SKAP1: variants seen among roughly 807,000 people sequenced by gnomAD.
SKAP1 encodes the protein src kinase-associated phosphoprotein 1.
SKAP1 carries 44 observed loss-of-function variants against 58.5 expected under a neutral mutation model. The observed-to-expected ratio is 0.75, with a 90% CI of 0.59 to 0.97. SKAP1 has a LOEUF of 0.97. Among genes scored for constraint, SKAP1 ranks in the 50% least tolerant of loss-of-function variants. The pLI, the probability that SKAP1 is intolerant of heterozygous loss-of-function variation, is 0.00. For synonymous variants in SKAP1, 127 were observed against 149.7 expected (o/e 0.85, Z 1.11); for missense variants, 390 against 435.2 (o/e 0.90, Z 0.92).
intron 1 of SKAP1, 70 bp downstream of exon 1, chr17:48,430,005 C>T: frequency 1.7e-6 from 2 of 1,204,326 alleles, no homozygotes; most frequent in Non-Finnish European, 2.1e-6. Context: ...GAAAGCCTGG[C>T]CGTGGGAGGC....
At chr17:48,282,681 A>C (rs747868613) in intron 4 of SKAP1, among the ~76,000 whole-genome samples, 1 of 151,978 alleles carries the variant, frequency 6.6e-6, no homozygotes, top group Non-Finnish European at 1.5e-5. Context: ...GGCTGAGGTG[A>C]GAGGATTGCT....
At chr17:48,159,296 C>CT (rs1175423165) in intron 11 of SKAP1, among the ~76,000 whole-genome samples, 3 of 152,144 alleles carry the variant, frequency 2.0e-5, no homozygotes, top group Non-Finnish European at 4.4e-5. Flanking sequence ...ATGGGAATGT[C>CT]TGAGGTAGAA....
chr17:48,351,217 A>G (rs1316249335), intron 3 of SKAP1, among the ~76,000 whole-genome samples: 2 of 152,232 alleles, frequency 1.3e-5, no homozygotes, highest in East Asian at 3.8e-4. Flanking sequence ...CAAAACTAAA[A>G]TTCTGTCAAC....
At chr17:48,414,630 C>G (rs2067710520) in intron 1 of SKAP1, among the ~76,000 whole-genome samples, 1 of 152,166 alleles carries the variant, frequency 6.6e-6, no homozygotes. Context: ...ATTCTCTCAG[C>G]TTCCAGGTAG....
chr17:48,276,359 T>A (rs999239590), intron 4 of SKAP1, among the ~76,000 whole-genome samples: 1 of 152,208 alleles, frequency 6.6e-6, no homozygotes, highest in Admixed American at 6.5e-5. Context: ...GCAAAATTAA[T>A]CATTTATTTT....
At chr17:48,376,495 A>G (rs554474420) in intron 2 of SKAP1, among the ~76,000 whole-genome samples, 6 of 152,356 alleles carry the variant, frequency 3.9e-5, no homozygotes, top group Non-Finnish European at 8.8e-5. Flanking sequence ...AAACTCGGCT[A>G]TCATGCCTTT....
At chr17:48,300,484 C>T (rs1275206939) in intron 4 of SKAP1, among the ~76,000 whole-genome samples, 2 of 152,154 alleles carry the variant, frequency 1.3e-5, no homozygotes, top group Admixed American at 1.3e-4. Flanking sequence ...TTCTTCAGGA[C>T]TGGGTCCTGG....
chr17:48,184,900 A>T, intron 6 of SKAP1, 53 bp from the exon 7 acceptor site: 2 of 1,571,608 alleles, frequency 1.3e-6, no homozygotes, highest in Non-Finnish European at 1.7e-6. Flanking sequence ...CTGCCAAGGG[A>T]AGGCATCCTC....
At chr17:48,161,741 A>T (rs1217104505) in intron 11 of SKAP1, among the ~76,000 whole-genome samples, 1 of 151,564 alleles carries the variant, frequency 6.6e-6, no homozygotes, top group Non-Finnish European at 1.5e-5. Context: ...ACGAGCTCTG[A>T]CTCCTCCCCC....
At chr17:48,159,190 T>G (rs1299473487) in intron 11 of SKAP1, among the ~76,000 whole-genome samples, 1 of 152,236 alleles carries the variant, frequency 6.6e-6, no homozygotes, top group Non-Finnish European at 1.5e-5. Context: ...AAAAAAATTC[T>G]TTTTTGTTTA....
rs552609464 is a variant in SKAP1 at position 48,392,051 on chromosome 17, C to T, written c.152+4629G>A. On this transcript the variant is annotated intron_variant, in intron 2 of 12. Coordinates refer to ENST00000336915, the MANE Select transcript of SKAP1 (RefSeq NM_003726.4). The stretch of plus-strand genomic sequence containing the variant: ...TAATTATATTTACAGTATACTACTT[C>T]AAAACTCTTGCTCCCAAGAGTTTTA... Among the ~76,000 whole-genome samples, 4 of 152,198 alleles carry T rather than the reference C, an allele frequency of 2.6e-5. No individual in the cohort carries two copies. The East Asian group carries it at 7.7e-4, about 29-fold the overall frequency.
intron 4 of SKAP1, among the ~76,000 whole-genome samples, chr17:48,239,466 A>T (rs2065219228): frequency 6.6e-6 from 1 of 152,212 alleles, no homozygotes; most frequent in Non-Finnish European, 1.5e-5. Context: ...AATGTGATGG[A>T]TGGTAGGGAA....
intron 4 of SKAP1, among the ~76,000 whole-genome samples, chr17:48,226,547 G>T (rs2143758455): frequency 6.6e-6 from 1 of 152,214 alleles, no homozygotes; most frequent in South Asian, 2.1e-4. Flanking sequence ...TCTTGGAGGG[G>T]ATATCTTAAT....
intron 4 of SKAP1, among the ~76,000 whole-genome samples, chr17:48,197,932 T>C (rs2064662178): frequency 6.6e-6 from 1 of 152,180 alleles, no homozygotes; most frequent in Non-Finnish European, 1.5e-5. Flanking sequence ...ATTTTACTTA[T>C]GAGAAATGAA....
At chr17:48,406,154 A>T (rs2144565608) in intron 1 of SKAP1, among the ~76,000 whole-genome samples, 1 of 148,296 alleles carries the variant, frequency 6.7e-6, no homozygotes, top group East Asian at 2.0e-4. Context: ...AGTCCCAGCC[A>T]CATGGGAGGC....
intron 4 of SKAP1, among the ~76,000 whole-genome samples, chr17:48,230,239 G>A (rs2065111950): frequency 6.6e-6 from 1 of 152,180 alleles, no homozygotes; most frequent in African/African-American, 2.4e-5. Flanking sequence ...ACCAGGCAAT[G>A]TTCTTGTGTA....
intron 1 of SKAP1, among the ~76,000 whole-genome samples, chr17:48,413,919 AC>A (rs1453004300): frequency 6.6e-6 from 1 of 152,126 alleles, no homozygotes; most frequent in East Asian, 1.9e-4. Context: ...TCCCACAGTT[AC>A]CTTTAACTAG....
chr17:48,291,391 C>G (rs1185588082), intron 4 of SKAP1, among the ~76,000 whole-genome samples: 1 of 152,184 alleles, frequency 6.6e-6, no homozygotes, highest in Non-Finnish European at 1.5e-5. Context: ...AGACAGCTGC[C>G]TCATCTATTC....
chr17:48,233,201 A>G (rs1221143762), intron 4 of SKAP1, among the ~76,000 whole-genome samples: 1 of 152,204 alleles, frequency 6.6e-6, no homozygotes, highest in African/African-American at 2.4e-5. Context: ...GGGTACCACA[A>G]TCTGGGGAGG....
Sources: allele counts gnomAD v4.1 joint callset (sites outside exome capture counted in the v4.1 genomes callset), GRCh38; gene constraint gnomAD v4.1.1; transcripts MANE v1.5; gene names NCBI Gene and HGNC (gene_info 2026-07-23, HGNC 2026-07-21).